Variants in UNC79 observed in about 807,000 individuals in gnomAD.
UNC79 encodes protein unc-79 homolog.
Under a neutral mutation model 283.1 loss-of-function variants are expected in UNC79, and 37 were observed. The observed-to-expected ratio is 0.13, with a 90% CI of 0.10 to 0.17. The LOEUF (loss-of-function observed/expected upper bound fraction) is 0.17, where lower values mean the gene tolerates loss of function less well. UNC79 is among the 10% of genes least tolerant of loss of function. The pLI, the probability that UNC79 is intolerant of heterozygous loss-of-function variation, is 1.00. For synonymous variants in UNC79, 1,107 were observed against 1,200.2 expected, an observed-to-expected ratio of 0.92 and a Z score of 1.61; for missense variants, 2,272 against 3,211.1, an observed-to-expected ratio of 0.71 and a Z score of 7.07.
chr14:93,471,464 C>T (rs2057498638), intron 2 of UNC79, among the ~76,000 whole-genome samples: 1 of 152,048 alleles, frequency 6.6e-6, no homozygotes, highest in Admixed American at 6.6e-5. Context: ...CTCTTCTGAG[C>T]AGGGCATTCT....
At chr14:93,603,351 C>T (rs1159638700) in exon 26 of UNC79, 1 of 1,614,188 alleles carries the variant, frequency 6.2e-7, no homozygotes, top group Admixed American at 1.7e-5. Flanking sequence ...CCCTGAGGGA[C>T]AGCGTGAAAG....
At chr14:93,611,454 G>A (rs961382461) in intron 26 of UNC79, among the ~76,000 whole-genome samples, 1 of 152,152 alleles carries the variant, frequency 6.6e-6, no homozygotes, top group African/African-American at 2.4e-5. Context: ...GTTACCTTAT[G>A]TGCAGGTCTG....
At chr14:93,504,368 C>G (rs2059434149) in intron 7 of UNC79, among the ~76,000 whole-genome samples, 1 of 151,966 alleles carries the variant, frequency 6.6e-6, no homozygotes, top group African/African-American at 2.4e-5. Flanking sequence ...AACACTCATA[C>G]TGCTAGGATT....
intron 25 of UNC79, among the ~76,000 whole-genome samples, chr14:93,602,088 C>A (rs2065549507): frequency 6.6e-6 from 1 of 152,122 alleles, no homozygotes; most frequent in South Asian, 2.1e-4. Flanking sequence ...GTTTGCTGTG[C>A]AGAAACTTTT....
chr14:93,439,029 G>A (rs968260321), intron 1 of UNC79, among the ~76,000 whole-genome samples: 1 of 151,792 alleles, frequency 6.6e-6, no homozygotes, highest in African/African-American at 2.4e-5. Flanking sequence ...ATACATGAAG[G>A]CTATTGAGTT....
chr14:93,462,158 T>A (rs1398329976), intron 1 of UNC79, among the ~76,000 whole-genome samples: 1 of 151,882 alleles, frequency 6.6e-6, no homozygotes, highest in Non-Finnish European at 1.5e-5. Flanking sequence ...AATACAAAAT[T>A]AGCCAGATGT....
At chr14:93,396,450 TTCCTTACG>T (rs2054999757) in intron 1 of UNC79, among the ~76,000 whole-genome samples, 1 of 152,168 alleles carries the variant, frequency 6.6e-6, no homozygotes, top group African/African-American at 2.4e-5. Context: ...ATTGCTTGTT[TTCCTTACG>T]TATGGCCCAT....
chr14:93,338,016 C>A (rs769721468), intron 1 of UNC79, among the ~76,000 whole-genome samples: 3 of 152,144 alleles, frequency 2.0e-5, no homozygotes, highest in Non-Finnish European at 4.4e-5. Context: ...GGCCAGATCC[C>A]ATGCTGGCTC....
At chr14:93,333,425 T>C (rs2053499951) in exon 1 of UNC79, 1 of 398,626 alleles carries the variant, frequency 2.5e-6, no homozygotes, top group Non-Finnish European at 4.4e-6. Flanking sequence ...TCGCATGCAA[T>C]GAGTGCATCT....
In UNC79 at chr14:93,609,527, A is replaced by T. The variant is rs137990968; in HGVS notation, c.3755-3270A>T. The stretch of plus-strand genomic sequence containing the variant: ...CTCTGCCTCCATAATTATAATTATA[A>T]ATATATTTTCTCTTTATAGAAAATA... On this transcript the variant is annotated intron_variant, in intron 26 of 48. Coordinates refer to ENST00000555664, the Ensembl canonical transcript of UNC79. 5.0e-3 allele frequency among the ~76,000 whole-genome samples: 761 copies of T among 152,302 alleles called. 5 individuals carry two copies. Among genetic ancestry groups the T allele is most frequent in the African/African-American group, 0.017 (723 of 41,550 alleles).
Position 93,617,072 on chromosome 14 carries a change from G to A in UNC79, c.4042-50G>A. ...GCTCAAATTTTTCCTTTTGACCTCTGAGTGTTCTTTGTAGTTTTCCATCAG... is the reference window on the plus strand; with the variant it reads ...GCTCAAATTTTTCCTTTTGACCTCTAAGTGTTCTTTGTAGTTTTCCATCAG... On this transcript the variant is annotated intron_variant, in intron 27 of 48. Transcript: ENST00000555664. The surrounding 1 kb of genome is among the most constrained non-coding windows in gnomAD (Gnocchi z 4.5). The A allele has an allele frequency of 6.5e-7, 1 of 1,534,610 alleles. No homozygotes were observed. Among genetic ancestry groups the A allele is most frequent in the Non-Finnish European group, 8.8e-7 (1 of 1,133,212 alleles).
At chr14:93,578,848 C>G (rs542892197) in intron 18 of UNC79, among the ~76,000 whole-genome samples, 7 of 152,060 alleles carry the variant, frequency 4.6e-5, no homozygotes, top group African/African-American at 1.7e-4. Flanking sequence ...GAGAAAAAAG[C>G]CTGGCTTTGA....
At chr14:93,610,438 G>A (rs2066215047) in intron 26 of UNC79, among the ~76,000 whole-genome samples, 1 of 152,134 alleles carries the variant, frequency 6.6e-6, no homozygotes, top group Admixed American at 6.5e-5. Context: ...GTTGAAGATT[G>A]AAGCTATATT....
intron 1 of UNC79, among the ~76,000 whole-genome samples, chr14:93,424,016 GA>G (rs1214081266): frequency 1.3e-5 from 2 of 151,940 alleles, no homozygotes; most frequent in East Asian, 3.9e-4. Flanking sequence ...AACTCTGTAG[GA>G]AAAAAATCTA....
chr14:93,504,921 A>G lies in UNC79; in HGVS notation c.898+7635A>G, dbSNP rs141146521. Among the ~76,000 whole-genome samples the G allele has an allele frequency of 8.0e-3, 1,220 of 152,088 alleles. 13 individuals carry two copies. The highest frequency in any genetic ancestry group is 0.048 in the Middle Eastern group (14 of 294). ...AATCCTGTGCTATGCTGATTTCTAAATGCTTCATGGTTTCTTCTTTGACCC... is the reference window on the plus strand; with the variant it reads ...AATCCTGTGCTATGCTGATTTCTAAGTGCTTCATGGTTTCTTCTTTGACCC... On this transcript the variant is annotated intron_variant, in intron 7 of 48. Coordinates refer to ENST00000555664, the Ensembl canonical transcript of UNC79.
At chr14:93,706,983 G>T (rs1474867642), downstream of UNC79, 24 of 1,530,388 alleles carry the variant, frequency 1.6e-5, no homozygotes, top group Non-Finnish European at 2.1e-5. Flanking sequence ...ATCCAAGCAG[G>T]TTGGGGAACA....
intron 1 of UNC79, among the ~76,000 whole-genome samples, chr14:93,342,379 C>T (rs1466609460): frequency 3.3e-5 from 5 of 152,322 alleles, no homozygotes; most frequent in African/African-American, 1.2e-4. Context: ...GTGGCTGGGA[C>T]ACAGGGCACC....
At chr14:93,517,643 A>C (rs2060130250) in intron 7 of UNC79, among the ~76,000 whole-genome samples, 1 of 151,716 alleles carries the variant, frequency 6.6e-6, no homozygotes, top group Non-Finnish European at 1.5e-5. Context: ...TTTTCTTGGC[A>C]ACGTTATGCC....
At chr14:93,574,961 T>C in intron 16 of UNC79, 97 bp from the exon 17 acceptor site, 1 of 1,300,356 alleles carries the variant, frequency 7.7e-7, no homozygotes, top group Non-Finnish European at 1.1e-6. Context: ...ATCCTTATGT[T>C]CAATAATTTG....
Sources: allele counts gnomAD v4.1 joint callset (sites outside exome capture counted in the v4.1 genomes callset), GRCh38; gene constraint gnomAD v4.1.1; non-coding constraint Gnocchi (gnomAD v3.1); transcripts MANE v1.5; gene names NCBI Gene and HGNC (gene_info 2026-07-23, HGNC 2026-07-21).